Variants in WNT7A observed in about 807,000 individuals in gnomAD.
The protein encoded by WNT7A is protein Wnt-7a.
In WNT7A, 16 loss-of-function variants were observed where a neutral mutation model predicts 28.2. The observed-to-expected ratio is 0.57, with a 90% CI of 0.38 to 0.86. The LOEUF (loss-of-function observed/expected upper bound fraction) is 0.86. Ranked by LOEUF, WNT7A falls within the 40% of genes least tolerant of loss-of-function variation. The pLI, the probability that WNT7A is intolerant of heterozygous loss-of-function variation, is 0.00. For missense variants in WNT7A, 411 were observed against 489.7 expected, an observed-to-expected ratio of 0.84 and a Z score of 1.52; for synonymous variants, 190 against 195.9, an observed-to-expected ratio of 0.97 and a Z score of 0.25.
intron 2 of WNT7A, among the ~76,000 whole-genome samples, chr3:13,868,575 AG>A (rs1694949085): frequency 4.6e-5 from 1 of 21,962 alleles, no homozygotes; most frequent in Non-Finnish European, 7.4e-5. Flanking sequence ...AGAGAGAGAG[AG>A]AGAGAGAGAG....
At chr3:13,831,001 TG>T (rs1280291756) in intron 3 of WNT7A, among the ~76,000 whole-genome samples, 1 of 151,956 alleles carries the variant, frequency 6.6e-6, no homozygotes, top group Non-Finnish European at 1.5e-5. Flanking sequence ...TGACCGAAGG[TG>T]GAGTTCCAGG....
intron 3 of WNT7A, among the ~76,000 whole-genome samples, chr3:13,849,919 G>A (rs1177091227): frequency 2.6e-5 from 4 of 152,200 alleles, no homozygotes; most frequent in African/African-American, 9.7e-5. Flanking sequence ...AGAAGCTGCA[G>A]ACAGGGTTGG....
chr3:13,863,255 A>T (rs1221979136), intron 2 of WNT7A, among the ~76,000 whole-genome samples: 1 of 151,934 alleles, frequency 6.6e-6, no homozygotes, highest in Non-Finnish European at 1.5e-5. Context: ...CCCTCCCTCC[A>T]CCTGTGGCCC....
chr3:13,859,368 C>G (rs996164079), intron 2 of WNT7A, among the ~76,000 whole-genome samples: 1 of 152,208 alleles, frequency 6.6e-6, no homozygotes, highest in African/African-American at 2.4e-5. Context: ...CCTCTCTGAG[C>G]CTCCATTTCC....
chr3:13,842,303 T>C (rs1489748955), intron 3 of WNT7A, among the ~76,000 whole-genome samples: 10 of 152,042 alleles, frequency 6.6e-5, no homozygotes. Flanking sequence ...GGAGAGATGC[T>C]GGTGGATAGG....
chr3:13,852,176 G>T (rs769769317), intron 3 of WNT7A, among the ~76,000 whole-genome samples: 1 of 152,208 alleles, frequency 6.6e-6, no homozygotes, highest in Non-Finnish European at 1.5e-5. Context: ...CCCTCATCAG[G>T]TCTGCAGAAG....
chr3:13,823,918 G>A (rs894061400), intron 3 of WNT7A, among the ~76,000 whole-genome samples: 9 of 152,110 alleles, frequency 5.9e-5, no homozygotes, highest in Non-Finnish European at 1.2e-4. Flanking sequence ...AGCTCCTGCT[G>A]GGAAGTCCTC....
At chr3:13,830,667 G>C (rs1022481125) in intron 3 of WNT7A, among the ~76,000 whole-genome samples, 3 of 152,120 alleles carry the variant, frequency 2.0e-5, no homozygotes, top group Admixed American at 2.0e-4. Context: ...TGGTGGCTGT[G>C]ACTGTCTCCC....
intron 2 of WNT7A, among the ~76,000 whole-genome samples, chr3:13,869,854 C>T (rs1334895056): frequency 6.6e-6 from 1 of 152,218 alleles, no homozygotes; most frequent in African/African-American, 2.4e-5. Flanking sequence ...CCCTGGCATT[C>T]AAGGGTCTTG....
At chr3:13,855,858 G>A (rs1694720701) in intron 2 of WNT7A, among the ~76,000 whole-genome samples, 1 of 152,178 alleles carries the variant, frequency 6.6e-6, no homozygotes, top group Non-Finnish European at 1.5e-5. Flanking sequence ...CAGGCAAAGG[G>A]GGGCCAGAGA....
intron 2 of WNT7A, among the ~76,000 whole-genome samples, chr3:13,866,106 G>A (rs1178331930): frequency 1.3e-5 from 2 of 152,180 alleles, no homozygotes; most frequent in Non-Finnish European, 2.9e-5. Flanking sequence ...TACCCTCTGT[G>A]CCATCTCCTG....
chr3:13,847,838 C>T (rs1047759547), intron 3 of WNT7A, among the ~76,000 whole-genome samples: 3 of 152,044 alleles, frequency 2.0e-5, no homozygotes, highest in African/African-American at 7.2e-5. Flanking sequence ...GGTTGTTTAA[C>T]AGGGACAGAG....
chr3:13,874,937 G>A lies in WNT7A; in HGVS notation c.298+10C>T. On this transcript the variant is annotated intron_variant, in intron 2 of 3. Coordinates refer to ENST00000285018, the MANE Select transcript of WNT7A (RefSeq NM_004625.4). Reference sequence around the variant, plus strand: ...TAAGACTCTGCGGGGGTGTTTGGGTGAGCACATACCCACTTTGAGCTCCTT... The same window carrying A: ...TAAGACTCTGCGGGGGTGTTTGGGTAAGCACATACCCACTTTGAGCTCCTT... 1 of 1,613,578 alleles carries A rather than the reference G, an allele frequency of 6.2e-7. No homozygotes were observed. The highest frequency in any genetic ancestry group is 8.5e-7 in the Non-Finnish European group (1 of 1,179,856).
At chr3:13,861,653 G>A (rs531995097) in intron 2 of WNT7A, among the ~76,000 whole-genome samples, 12 of 152,208 alleles carry the variant, frequency 7.9e-5, no homozygotes, top group South Asian at 2.1e-4. Context: ...CCCTGGTGTG[G>A]TGTGGTCAGC....
chr3:13,854,904 G>T, intron 2 of WNT7A, 101 bp from the exon 3 acceptor site: 3 of 1,484,226 alleles, frequency 2.0e-6, no homozygotes, highest in Non-Finnish European at 2.8e-6. Flanking sequence ...CAATGCAATG[G>T]CTCTCCAAAG....
chr3:13,830,179 C>T (rs867712966), intron 3 of WNT7A, among the ~76,000 whole-genome samples: 1 of 152,120 alleles, frequency 6.6e-6, no homozygotes, highest in Admixed American at 6.5e-5. Context: ...CGTTCCTGAA[C>T]CTCCTCCAAA....
At chr3:13,860,515 T>C (rs1694811703) in intron 2 of WNT7A, among the ~76,000 whole-genome samples, 1 of 152,214 alleles carries the variant, frequency 6.6e-6, no homozygotes, top group African/African-American at 2.4e-5. Flanking sequence ...CAGGGTTTGA[T>C]GGTAGAAAGC....
chr3:13,839,097 C>T (rs765949439), intron 3 of WNT7A, among the ~76,000 whole-genome samples: 1 of 152,142 alleles, frequency 6.6e-6, no homozygotes, highest in Non-Finnish European at 1.5e-5. Context: ...TTTGATGTAG[C>T]AACTAGCAAA....
At chr3:13,856,887 GAAGAAAAAGAAGAAGAA>G (rs1694741922) in intron 2 of WNT7A, among the ~76,000 whole-genome samples, 2 of 68,602 alleles carry the variant, frequency 2.9e-5, no homozygotes, top group African/African-American at 1.6e-4. Context: ...AGAGGAAGAA[GAAGAAAAAGAAGAAGAA>G]GAAGAAGAAG....
Sources: allele counts gnomAD v4.1 joint callset (sites outside exome capture counted in the v4.1 genomes callset), GRCh38; gene constraint gnomAD v4.1.1; transcripts MANE v1.5; gene names NCBI Gene and HGNC (gene_info 2026-07-23, HGNC 2026-07-21).